The following FBXL7 variants were observed in gnomAD, a reference collection of about 807,000 sequenced individuals.
FBXL7 encodes the protein F-box and leucine rich repeat protein 7.
FBXL7 carries 12 observed loss-of-function variants against 38.3 expected under a neutral mutation model. The ratio of observed to expected loss-of-function variants is 0.31; its 90% confidence interval spans 0.20 to 0.51. The LOEUF is 0.51. Ranked by LOEUF, FBXL7 falls within the 20% of genes least tolerant of loss-of-function variation. The probability of loss-of-function intolerance (pLI) is 0.98; values close to 1 mark genes in which losing one functional copy is unlikely to be tolerated. For missense variants in FBXL7, 567 were observed against 676.4 expected (o/e 0.84, Z 1.79); for synonymous variants, 297 against 300.9 (o/e 0.99, Z 0.13).
chr5:15,506,663 G>A (rs978234384), intron 1 of FBXL7, among the ~76,000 whole-genome samples: 2 of 152,038 alleles, frequency 1.3e-5, no homozygotes, highest in Non-Finnish European at 2.9e-5. Flanking sequence ...GCCCTCTTCT[G>A]AGTTGCAGAT....
intron 2 of FBXL7, among the ~76,000 whole-genome samples, chr5:15,697,039 G>C (rs1579386336): frequency 6.6e-6 from 1 of 152,186 alleles, no homozygotes; most frequent in African/African-American, 2.4e-5. Context: ...TTGCTGTGGA[G>C]TGATTGAGTG....
chr5:15,744,017 C>T (rs183535334), intron 2 of FBXL7, among the ~76,000 whole-genome samples: 1 of 152,160 alleles, frequency 6.6e-6, no homozygotes, highest in East Asian at 1.9e-4. Flanking sequence ...TCTCTGAACC[C>T]AACCCAAGAA....
intron 2 of FBXL7, among the ~76,000 whole-genome samples, chr5:15,885,442 AG>A (rs1740636882): frequency 6.6e-6 from 1 of 152,218 alleles, no homozygotes; most frequent in Non-Finnish European, 1.5e-5. Context: ...CACACACTCC[AG>A]GGGATGTGAT....
At chr5:15,664,874 G>GTT (rs55666327) in intron 2 of FBXL7, among the ~76,000 whole-genome samples, 2 of 145,028 alleles carry the variant, frequency 1.4e-5, no homozygotes, top group Admixed American at 6.9e-5. Context: ...AATTTTTTCA[G>GTT]TTTTTTTTTT....
rs898671232 is a variant in FBXL7, at chr5:15,938,056, T to G, written c.*870T>G. On this transcript the variant is annotated 3_prime_UTR_variant, in exon 4 of 4. Transcript: ENST00000504595. ...ATCAGTGCATAAAGGGTCCTGTATG[T>G]CCTTTGGCTGCAAATCACCCACTTC... 1.3e-5 allele frequency: 2 copies of G among 152,158 alleles called. No homozygotes were observed. Among genetic ancestry groups the G allele is most frequent in the Non-Finnish European group, 2.9e-5 (2 of 68,046 alleles). The allele number at this position is 152,158 out of a possible 1,614,324, so 9.4% of individuals were successfully genotyped here.
chr5:15,789,619 C>T (rs1462238432), intron 2 of FBXL7, among the ~76,000 whole-genome samples: 2 of 152,154 alleles, frequency 1.3e-5, no homozygotes, highest in South Asian at 2.1e-4. Flanking sequence ...AGCTTTGCAC[C>T]CTCCTGTAGG....
rs149177514 is a variant in FBXL7, at chr5:15,589,431, A to T, written c.38-26552A>T. On this transcript the variant is annotated intron_variant, in intron 1 of 3. Transcript: ENST00000504595. ...CCTCTCTCTTCCTCCTTCTCCAGCC[A>T]GGCAAGTTGTGCCTGCTTCCCCTTT... 4.6e-3 allele frequency among the ~76,000 whole-genome samples: 694 copies of T among 152,202 alleles called. 4 individuals carry two copies. The highest frequency in any genetic ancestry group is 0.021 in the South Asian group (101 of 4,800).
chr5:15,756,455 C>T (rs1182215133), intron 2 of FBXL7, among the ~76,000 whole-genome samples: 1 of 152,124 alleles, frequency 6.6e-6, no homozygotes, highest in Non-Finnish European at 1.5e-5. Context: ...ACTCTCTTTC[C>T]TTTCTCCATT....
At chr5:15,752,343 G>A (rs1736177098) in intron 2 of FBXL7, among the ~76,000 whole-genome samples, 1 of 151,980 alleles carries the variant, frequency 6.6e-6, no homozygotes. Context: ...AAAAATGGAA[G>A]GAGACATATG....
rs371293320 is a variant in FBXL7 at position 15,777,720 on chromosome 5, TAAAAAAA to T, written c.128-150150_128-150144del. Among the ~76,000 whole-genome samples the T allele has an allele frequency of 3.4e-3, 284 of 82,530 alleles. 4 individuals carry two copies. Among genetic ancestry groups the T allele is most frequent in the Middle Eastern group, 0.014 (2 of 138 alleles). 54.1% of individuals were successfully genotyped at this position (82,530 alleles called of 152,430 possible). On this transcript the variant is annotated intron_variant, in intron 2 of 3. Transcript: ENST00000504595. ...TATTGTTTGCAAACCCCTATTCTGG[TAAAAAAA>T]AAAAAAAAAAAAAAAAAAAGTAAAT...
At chr5:15,795,530 T>G (rs926012569) in intron 2 of FBXL7, among the ~76,000 whole-genome samples, 2 of 152,194 alleles carry the variant, frequency 1.3e-5, no homozygotes, top group Non-Finnish European at 2.9e-5. Flanking sequence ...CTATGTACCT[T>G]TTTAATGAGG....
chr5:15,805,292 G>T (rs1326707272), intron 2 of FBXL7, among the ~76,000 whole-genome samples: 1 of 152,150 alleles, frequency 6.6e-6, no homozygotes, highest in Non-Finnish European at 1.5e-5. Flanking sequence ...AATAGAGAAG[G>T]GTGTTGTGCT....
chr5:15,517,306 C>T (rs142707011), intron 1 of FBXL7, among the ~76,000 whole-genome samples: 1 of 152,298 alleles, frequency 6.6e-6, no homozygotes, highest in African/African-American at 2.4e-5. Context: ...GGCCCACAGT[C>T]TGGTGGGTAG....
At chr5:15,652,673 A>G (rs972453219) in intron 2 of FBXL7, among the ~76,000 whole-genome samples, 1 of 152,172 alleles carries the variant, frequency 6.6e-6, no homozygotes, top group South Asian at 2.1e-4. Flanking sequence ...TCTTCCCATC[A>G]CTTGAATACT....
chr5:15,667,882 A>G (rs1183409606), intron 2 of FBXL7, among the ~76,000 whole-genome samples: 2 of 152,108 alleles, frequency 1.3e-5, no homozygotes, highest in Non-Finnish European at 2.9e-5. Flanking sequence ...ACTTGGATTC[A>G]TATCTCTGCC....
chr5:15,692,748 C>G (rs1035780592), intron 2 of FBXL7, among the ~76,000 whole-genome samples: 2 of 152,144 alleles, frequency 1.3e-5, no homozygotes, highest in African/African-American at 4.8e-5. Context: ...TAAAAATGTT[C>G]TTTCTGCTGG....
At position 15,928,211 on chromosome 5, in the gene FBXL7, A is replaced by G. The variant is rs1038279605; in HGVS notation, c.449A>G (p.Asp150Gly). ...CGCCGCTGGTACAACCTGGCCTGGG[A>G]CCCGCGGCTCTGGAGGACTATCCGC... ...VCRRWYNLAW[D>G]PRLWRTIRLT... Residue 150 changes from aspartate to glycine, a missense_variant, in exon 3 of 4, where the codon GAC (aspartate) becomes GGC (glycine). Physicochemically the swap from Asp to Gly is moderately conservative, Grantham distance 94. Coordinates refer to ENST00000504595, the MANE Select transcript of FBXL7 (RefSeq NM_012304.5). The surrounding 1 kb of genome is among the most constrained non-coding windows in gnomAD (Gnocchi z 4.0). 3 of 1,609,958 alleles carry G rather than the reference A, an allele frequency of 1.9e-6. No individual in the cohort carries two copies. Among genetic ancestry groups the G allele is most frequent in the Non-Finnish European group, 2.5e-6 (3 of 1,178,442 alleles).
In FBXL7 at chr5:15,939,196, G is replaced by T. The variant is rs1449149967; in HGVS notation, c.*2010G>T. On this transcript the variant is annotated 3_prime_UTR_variant, in exon 4 of 4. Transcript: ENST00000504595. ...GTAATCAAGGCTCTGTGCCATGGGG[G>T]AAATGAATCATTTAGCTAGGCCAGG... 3 of 396,738 alleles carry T rather than the reference G, an allele frequency of 7.6e-6. No individual in the cohort carries two copies. Among genetic ancestry groups the T allele is most frequent in the Non-Finnish European group, 1.3e-5 (3 of 225,176 alleles). 24.6% of individuals were successfully genotyped at this position (396,738 alleles called of 1,614,324 possible).
chr5:15,755,518 T>C (rs1286919276), intron 2 of FBXL7, among the ~76,000 whole-genome samples: 3 of 152,196 alleles, frequency 2.0e-5, no homozygotes, highest in African/African-American at 7.2e-5. Context: ...ATTAGATCAG[T>C]AGTTCTTTAA....
Sources: allele counts gnomAD v4.1 joint callset (sites outside exome capture counted in the v4.1 genomes callset), GRCh38; gene constraint gnomAD v4.1.1; non-coding constraint Gnocchi (gnomAD v3.1); transcripts MANE v1.5; gene names NCBI Gene and HGNC (gene_info 2026-07-23, HGNC 2026-07-21).